ANKRD30B: variants seen among roughly 807,000 people sequenced by gnomAD.
The protein encoded by ANKRD30B is ankyrin repeat domain-containing protein 30B.
Under a neutral mutation model 202.2 loss-of-function variants are expected in ANKRD30B, and 144 were observed. The ratio of observed to expected loss-of-function variants is 0.71; its 90% confidence interval spans 0.62 to 0.82. ANKRD30B has a LOEUF of 0.82. ANKRD30B is among the 40% of genes least tolerant of loss of function. ANKRD30B has a pLI of 0.00. For synonymous variants in ANKRD30B, 508 were observed against 561.3 expected, an observed-to-expected ratio of 0.91 and a Z score of 1.34; for missense variants, 1,487 against 1,669.1, an observed-to-expected ratio of 0.89 and a Z score of 1.90.
chr18:14,894,842 C>A, the ANKRD30B span, among the ~76,000 whole-genome samples: 1 of 129,984 alleles, frequency 7.7e-6, no homozygotes. Flanking sequence ...TCAATATATC[C>A]AACATATACA....
chr18:14,766,655 A>G (rs1285001163), intron 7 of ANKRD30B, among the ~76,000 whole-genome samples: 1 of 152,072 alleles, frequency 6.6e-6, no homozygotes, highest in Non-Finnish European at 1.5e-5. Context: ...CTAGCTGGAG[A>G]TAGAACTCTG....
the ANKRD30B span, among the ~76,000 whole-genome samples, chr18:14,926,636 G>T: frequency 0.58 from 87,475 of 152,066 alleles, 26,077 homozygotes; most frequent in African/African-American, 0.73. Flanking sequence ...TTTTATATTT[G>T]TTACATAAAA....
At chr18:14,890,132 G>A in the ANKRD30B span, 356,963 of 844,134 alleles carry the variant, frequency 0.42, 76,245 homozygotes, top group African/African-American at 0.51. Context: ...TATTCGTTCA[G>A]CTTTGCCAAT....
chr18:14,858,800 T>G (rs1250582345), downstream of ANKRD30B, among the ~76,000 whole-genome samples: 9 of 77,714 alleles, frequency 1.2e-4, no homozygotes, highest in East Asian at 3.8e-4. Flanking sequence ...TCCCAGACAA[T>G]GGGCAGCCAG....
the ANKRD30B span, among the ~76,000 whole-genome samples, chr18:14,905,130 A>G: frequency 2.0e-5 from 3 of 152,216 alleles, no homozygotes; most frequent in Admixed American, 1.3e-4. Context: ...GTTACCCTAT[A>G]TGGTCTAAAA....
chr18:14,836,057 A>T (rs1971158077), intron 34 of ANKRD30B, among the ~76,000 whole-genome samples: 1 of 152,002 alleles, frequency 6.6e-6, no homozygotes, highest in Non-Finnish European at 1.5e-5. Context: ...CTTTGATTTC[A>T]TTTTCAAAAT....
chr18:14,780,121 C>A, intron 11 of ANKRD30B, 100 bp downstream of exon 11: 1 of 840,772 alleles, frequency 1.2e-6, no homozygotes, highest in Non-Finnish European at 1.9e-6. Flanking sequence ...CTTACCACTG[C>A]ATATGCTCAG....
At chr18:14,766,845 T>C (rs1368880960) in intron 7 of ANKRD30B, among the ~76,000 whole-genome samples, 13 of 152,200 alleles carry the variant, frequency 8.5e-5, no homozygotes, top group East Asian at 5.8e-4. Flanking sequence ...CAGTGGCTAA[T>C]GAAAAGTAGG....
Position 14,805,212 on chromosome 18 carries a change from A to G in ANKRD30B, c.2284+1388A>G, listed in dbSNP as rs866228540. On this transcript the variant is annotated intron_variant, in intron 24 of 43. Coordinates refer to ENST00000690538, the MANE Select transcript of ANKRD30B (RefSeq NM_001367607.2). ...AAACCTCATTAGCGAATAACATGAT[A>G]TACCAAACCAGACTAATTTTAAAAA... Among the ~76,000 whole-genome samples the G allele has an allele frequency of 2.0e-5, 3 of 151,028 alleles. 1 individual carries two copies. The highest frequency in any genetic ancestry group is 7.3e-5 in the African/African-American group (3 of 40,878).
At chr18:14,760,665 T>A in intron 6 of ANKRD30B, 47 bp downstream of exon 6, 2 of 1,338,416 alleles carry the variant, frequency 1.5e-6, no homozygotes, top group Non-Finnish European at 2.1e-6. Context: ...TACCATAAGA[T>A]TAGGGAAGTG....
intron 32 of ANKRD30B, among the ~76,000 whole-genome samples, chr18:14,826,744 C>G (rs1465713697): frequency 7.2e-6 from 1 of 138,182 alleles, no homozygotes; most frequent in East Asian, 2.5e-4. Context: ...GTAATTCATC[C>G]TTATCCAAGG....
At chr18:14,888,886 A>G in the ANKRD30B span, 9 of 1,070,780 alleles carry the variant, frequency 8.4e-6, no homozygotes, top group Non-Finnish European at 1.3e-6. Flanking sequence ...TACAATCTTC[A>G]TTGCATTCTT....
chr18:14,873,949 A>G, the ANKRD30B span, among the ~76,000 whole-genome samples: 9 of 152,216 alleles, frequency 5.9e-5, no homozygotes, highest in African/African-American at 2.2e-4. Flanking sequence ...TCCTGGGGAA[A>G]CACCCGGCAT....
At chr18:14,781,418 C>T (rs1018979565) in intron 11 of ANKRD30B, among the ~76,000 whole-genome samples, 2 of 140,706 alleles carry the variant, frequency 1.4e-5, no homozygotes, top group Non-Finnish European at 3.1e-5. Flanking sequence ...CCTCAGCCTC[C>T]GGAGTAGCTG....
In ANKRD30B at chr18:14,769,393, T is replaced by G. The variant is rs1418056958; in HGVS notation, c.1256+20T>G. On this transcript the variant is annotated intron_variant, in intron 8 of 43. Coordinates refer to ENST00000690538, the MANE Select transcript of ANKRD30B (RefSeq NM_001367607.2). ...ATTCAGGTAAGACTTTGCGGTTTTT[T>G]AAAACGAATAGGTTAACTCAGAAAA... 2 of 1,539,902 alleles carry G rather than the reference T, an allele frequency of 1.3e-6. No individual in the cohort carries two copies. The highest frequency in any genetic ancestry group is 1.8e-6 in the Non-Finnish European group (2 of 1,139,420).
chr18:14,826,777 T>C (rs1398773187), intron 32 of ANKRD30B, among the ~76,000 whole-genome samples: 1 of 150,536 alleles, frequency 6.6e-6, no homozygotes, highest in Non-Finnish European at 1.5e-5. Context: ...AAGACACCCA[T>C]TGAATGTCTG....
intron 9 of ANKRD30B, among the ~76,000 whole-genome samples, chr18:14,773,276 C>A (rs1227124498): frequency 1.3e-5 from 2 of 152,116 alleles, no homozygotes; most frequent in Non-Finnish European, 2.9e-5. Flanking sequence ...TTTTGGAGCT[C>A]TTGCATCACT....
At chr18:14,917,103 C>T in the ANKRD30B span, among the ~76,000 whole-genome samples, 3 of 152,218 alleles carry the variant, frequency 2.0e-5, no homozygotes, top group Non-Finnish European at 2.9e-5. Context: ...ACACTCTGTC[C>T]TCAGGCTTCA....
At chr18:14,796,019 G>A (rs1968861702) in intron 16 of ANKRD30B, among the ~76,000 whole-genome samples, 2 of 152,048 alleles carry the variant, frequency 1.3e-5, no homozygotes, top group African/African-American at 2.4e-5. Flanking sequence ...GTTTGATGAA[G>A]GTTATTTTTT....
Sources: gnomAD v4.1 joint callset for allele counts (sites outside exome capture counted in the v4.1 genomes callset) on GRCh38, gnomAD v4.1.1 for gene constraint, MANE v1.5 for transcripts, NCBI Gene and HGNC (gene_info 2026-07-23, HGNC 2026-07-21) for gene names.